The following TDRD3 variants were observed in gnomAD, a reference collection of about 807,000 sequenced individuals.
TDRD3 encodes the protein tudor domain containing 3.
A neutral mutation model predicts 86.7 loss-of-function variants in TDRD3; 45 were observed. The ratio of observed to expected loss-of-function variants is 0.52; its 90% CI spans 0.41 to 0.67. The LOEUF is 0.67. Among genes scored for constraint, TDRD3 ranks in the 30% least tolerant of loss-of-function variants. TDRD3 has a pLI of 0.00. For synonymous variants in TDRD3, 298 were observed against 301.7 expected (o/e 0.99, Z 0.13); for missense variants, 814 against 889.0 (o/e 0.92, Z 1.07).
At chr13:60,425,995 T>A (rs1649842603) in intron 1 of TDRD3, among the ~76,000 whole-genome samples, 1 of 151,982 alleles carries the variant, frequency 6.6e-6, no homozygotes, top group South Asian at 2.1e-4. Flanking sequence ...TTTTAGGGAG[T>A]CAGAATTTAT....
chr13:60,413,274 G>C (rs1954408587), intron 1 of TDRD3, among the ~76,000 whole-genome samples: 1 of 151,886 alleles, frequency 6.6e-6, no homozygotes, highest in African/African-American at 2.4e-5. Flanking sequence ...GATTACTGAG[G>C]AAAAAAATAG....
chr13:60,397,310 G>A lies in TDRD3; in HGVS notation c.-55G>A. ...TAAGGGGGGGGGTCTCAAGTAGGAG[G>A]CCTCCCCATCACCCCCACCCCAGCC... is the stretch of plus-strand genomic sequence containing the variant. On this transcript the variant is annotated 5_prime_UTR_variant, in exon 1 of 14. Coordinates refer to ENST00000377881, the MANE Select transcript of TDRD3 (RefSeq NM_001146070.2). 1.0e-6 allele frequency: 1 copy of A among 968,714 alleles called. No individual in the cohort carries two copies. 60.0% of individuals were successfully genotyped at this position (968,714 alleles called of 1,614,324 possible). A position where few individuals can be genotyped will look rare whatever the true frequency, so the allele number is the denominator to read the frequency against.
intron 3 of TDRD3, among the ~76,000 whole-genome samples, chr13:60,453,326 C>T (rs566860117): frequency 4.6e-5 from 7 of 152,242 alleles, no homozygotes; most frequent in African/African-American, 1.7e-4. Flanking sequence ...CTTAGGAAAA[C>T]GAGTAACATG....
At chr13:60,442,716 G>T (rs575083571) in intron 2 of TDRD3, among the ~76,000 whole-genome samples, 1 of 152,038 alleles carries the variant, frequency 6.6e-6, no homozygotes, top group Non-Finnish European at 1.5e-5. Context: ...AACTTTGAGC[G>T]TGTAGTCTTT....
At chr13:60,470,190 T>C (rs1339884262) in intron 5 of TDRD3, among the ~76,000 whole-genome samples, 3 of 152,250 alleles carry the variant, frequency 2.0e-5, no homozygotes, top group Non-Finnish European at 4.4e-5. Flanking sequence ...AGTGTTCATC[T>C]ATGTTGCAGC....
chr13:60,403,842 G>A (rs558284009), intron 1 of TDRD3, among the ~76,000 whole-genome samples: 39 of 152,252 alleles, frequency 2.6e-4, no homozygotes, highest in African/African-American at 9.1e-4. Flanking sequence ...GCAGTATAGT[G>A]CTCTTGAATT....
chr13:60,465,159 C>A (rs1955891026), intron 4 of TDRD3, among the ~76,000 whole-genome samples: 1 of 152,184 alleles, frequency 6.6e-6, no homozygotes, highest in Admixed American at 6.5e-5. Context: ...TCAATTGTTT[C>A]AGTGAAATTG....
At chr13:60,518,883 A>T (rs922538887) in intron 10 of TDRD3, among the ~76,000 whole-genome samples, 3 of 152,142 alleles carry the variant, frequency 2.0e-5, no homozygotes, top group African/African-American at 7.2e-5. Context: ...TTTTATTAGA[A>T]TATTATTAGG....
At chr13:60,408,496 T>G (rs1477598134) in intron 1 of TDRD3, among the ~76,000 whole-genome samples, 1 of 152,164 alleles carries the variant, frequency 6.6e-6, no homozygotes, top group Non-Finnish European at 1.5e-5. Context: ...AAAATGCTGA[T>G]AGTGATATGG....
At chr13:60,524,013 G>A (rs2137744604) in intron 10 of TDRD3, among the ~76,000 whole-genome samples, 1 of 149,316 alleles carries the variant, frequency 6.7e-6, no homozygotes, top group South Asian at 2.1e-4. Context: ...GTGATGCATT[G>A]TACTCTGCTG....
chr13:60,407,366 A>G (rs1954260036), intron 1 of TDRD3, among the ~76,000 whole-genome samples: 1 of 152,252 alleles, frequency 6.6e-6, no homozygotes, highest in African/African-American at 2.4e-5. Context: ...CTCAAGGGAC[A>G]TGAAACTTCT....
intron 2 of TDRD3, among the ~76,000 whole-genome samples, chr13:60,443,181 G>A (rs1360973861): frequency 6.6e-6 from 1 of 151,922 alleles, no homozygotes; most frequent in Non-Finnish European, 1.5e-5. Flanking sequence ...TGCTTACTCT[G>A]TGCAAGTCAT....
At chr13:60,549,597 T>C (rs1958002430) in intron 12 of TDRD3, among the ~76,000 whole-genome samples, 1 of 152,128 alleles carries the variant, frequency 6.6e-6, no homozygotes. Flanking sequence ...CACGTGTATG[T>C]GCACGTGGAC....
chr13:60,410,807 G>T (rs986235859), intron 1 of TDRD3, among the ~76,000 whole-genome samples: 1 of 151,948 alleles, frequency 6.6e-6, no homozygotes, highest in South Asian at 2.1e-4. Flanking sequence ...CCCTTATTTT[G>T]GTTGTTGCTG....
intron 12 of TDRD3, among the ~76,000 whole-genome samples, chr13:60,556,037 G>A (rs868685571): frequency 2.6e-5 from 4 of 151,906 alleles, no homozygotes; most frequent in Non-Finnish European, 4.4e-5. Flanking sequence ...TAGTAGAGAC[G>A]GGCTTTCACC....
chr13:60,495,309 C>T (rs1292508093), intron 8 of TDRD3, among the ~76,000 whole-genome samples: 3 of 152,100 alleles, frequency 2.0e-5, no homozygotes, highest in Non-Finnish European at 4.4e-5. Flanking sequence ...TGTAACTGCT[C>T]AATGGATTCA....
chr13:60,567,460 A>T, intron 12 of TDRD3, 65 bp from the exon 13 acceptor site: 3 of 1,606,088 alleles, frequency 1.9e-6, no homozygotes, highest in Non-Finnish European at 2.6e-6. Context: ...GGACCATACA[A>T]TTTTTTTTAC....
At chr13:60,412,928 C>G (rs369007441) in intron 1 of TDRD3, among the ~76,000 whole-genome samples, 3 of 152,018 alleles carry the variant, frequency 2.0e-5, no homozygotes, top group Non-Finnish European at 4.4e-5. Context: ...ATCTAAGATG[C>G]GTACTTTAAA....
At chr13:60,429,752 A>T (rs1954907415) in intron 1 of TDRD3, among the ~76,000 whole-genome samples, 1 of 152,176 alleles carries the variant, frequency 6.6e-6, no homozygotes, top group African/African-American at 2.4e-5. Context: ...AAGGAAGCAT[A>T]TACACTTTTG....
Sources: allele counts gnomAD v4.1 joint callset (sites outside exome capture counted in the v4.1 genomes callset), GRCh38; gene constraint gnomAD v4.1.1; transcripts MANE v1.5; gene names NCBI Gene and HGNC (gene_info 2026-07-23, HGNC 2026-07-21).